Variants in MACROD2 observed in about 807,000 individuals in gnomAD.
The protein encoded by MACROD2 is ADP-ribose glycohydrolase MACROD2.
In MACROD2, 36 loss-of-function variants were observed where a neutral mutation model predicts 70.4. The ratio of observed to expected loss-of-function variants is 0.51; its 90% CI spans 0.39 to 0.68. MACROD2 has a LOEUF of 0.68. Ranked by LOEUF, MACROD2 falls within the 30% of genes least tolerant of loss-of-function variation. MACROD2 has a pLI of 0.00. For missense variants in MACROD2, 496 were observed against 538.4 expected, an observed-to-expected ratio of 0.92 and a Z score of 0.78; for synonymous variants, 172 against 178.8, an observed-to-expected ratio of 0.96 and a Z score of 0.30.
At chr20:14,562,420 A>G (rs575520923) in intron 4 of MACROD2, among the ~76,000 whole-genome samples, 38 of 152,116 alleles carry the variant, frequency 2.5e-4, no homozygotes, top group African/African-American at 8.7e-4. Flanking sequence ...TATTGTTTAT[A>G]CATCTACCTA....
chr20:15,196,298 A>G (rs778160119), intron 5 of MACROD2, among the ~76,000 whole-genome samples: 1 of 152,176 alleles, frequency 6.6e-6, no homozygotes. Context: ...CAAAAAAACT[A>G]AAAATATAAC....
intron 5 of MACROD2, among the ~76,000 whole-genome samples, chr20:14,721,843 A>T (rs149840811): frequency 1.3e-5 from 2 of 152,224 alleles, no homozygotes; most frequent in Non-Finnish European, 2.9e-5. Flanking sequence ...TACCTCCATG[A>T]CTTCCTTCAT....
At chr20:15,574,076 C>CTACT (rs1182603712) in intron 8 of MACROD2, among the ~76,000 whole-genome samples, 1 of 152,108 alleles carries the variant, frequency 6.6e-6, no homozygotes, top group African/African-American at 2.4e-5. Context: ...TTTGGCAATA[C>CTACT]TACTCTTACC....
At chr20:15,521,839 T>C (rs554863889) in intron 8 of MACROD2, among the ~76,000 whole-genome samples, 85 of 152,222 alleles carry the variant, frequency 5.6e-4, no homozygotes, top group Non-Finnish European at 1.1e-3. Context: ...GGGGATTTTC[T>C]TTGGAGCACA....
At chr20:15,141,344 T>TGTGCTTTGCCC (rs2076190824) in intron 5 of MACROD2, among the ~76,000 whole-genome samples, 1 of 151,840 alleles carries the variant, frequency 6.6e-6, no homozygotes, top group Non-Finnish European at 1.5e-5. Context: ...TATATCTGCA[T>TGTGCTTTGCCC]ATAGAATTTA....
intron 9 of MACROD2, among the ~76,000 whole-genome samples, chr20:15,867,471 T>C (rs1601020079): frequency 6.6e-6 from 1 of 152,194 alleles, no homozygotes; most frequent in African/African-American, 2.4e-5. Context: ...TATGGAATTA[T>C]CATACACTTT....
chr20:15,236,815 G>A (rs943853595), intron 6 of MACROD2, among the ~76,000 whole-genome samples: 28 of 152,190 alleles, frequency 1.8e-4, no homozygotes, highest in African/African-American at 6.8e-4. Context: ...AGTGAATTAA[G>A]GTCTTACCTT....
rs563242378 is a variant in MACROD2 at position 15,596,893 on chromosome 20, G to A, written c.645+97046G>A. Among the ~76,000 whole-genome samples the A allele has an allele frequency of 3.3e-3, 502 of 152,198 alleles. 7 individuals carry two copies. The highest frequency in any genetic ancestry group is 0.012 in the African/African-American group (487 of 41,516). ...TCTGAATATGCATATTCTCTCAATG[G>A]CAGTACATATTTTCCCGGCTTAATA... On this transcript the variant is annotated intron_variant, in intron 8 of 17. Transcript: ENST00000684519.
intron 10 of MACROD2, among the ~76,000 whole-genome samples, chr20:15,897,732 A>G (rs1417611392): frequency 6.6e-6 from 1 of 152,044 alleles, no homozygotes; most frequent in East Asian, 1.9e-4. Flanking sequence ...TCAAATATAC[A>G]TGGCCATTTT....
At chr20:15,817,217 ACTT>A (rs2063886570) in intron 8 of MACROD2, among the ~76,000 whole-genome samples, 2 of 152,134 alleles carry the variant, frequency 1.3e-5, no homozygotes, top group Admixed American at 1.3e-4. Context: ...GCAAAGATAA[ACTT>A]CTTATAATTA....
chr20:14,661,848 C>T (rs943217209), intron 4 of MACROD2, among the ~76,000 whole-genome samples: 1 of 151,988 alleles, frequency 6.6e-6, no homozygotes, highest in South Asian at 2.1e-4. Flanking sequence ...TAATAATATG[C>T]TCCCAAGTGA....
At chr20:14,538,872 T>A (rs143230058) in intron 4 of MACROD2, among the ~76,000 whole-genome samples, 168 of 152,296 alleles carry the variant, frequency 1.1e-3, no homozygotes, top group Non-Finnish European at 1.6e-3. Flanking sequence ...TTTTCGAGCC[T>A]ACATGTTTAT....
At chr20:15,679,372 G>A (rs1478749558) in intron 8 of MACROD2, among the ~76,000 whole-genome samples, 3 of 152,080 alleles carry the variant, frequency 2.0e-5, no homozygotes, top group African/African-American at 7.2e-5. Context: ...ATTGCTCATA[G>A]CAGGTGCACC....
At chr20:16,017,188 G>C (rs917286252) in intron 15 of MACROD2, among the ~76,000 whole-genome samples, 6 of 152,094 alleles carry the variant, frequency 3.9e-5, no homozygotes, top group African/African-American at 1.4e-4. Flanking sequence ...TCATGCCTTT[G>C]TTTGTCTTCA....
chr20:15,688,680 A>G (rs935683827), intron 8 of MACROD2, among the ~76,000 whole-genome samples: 8 of 152,232 alleles, frequency 5.3e-5, no homozygotes, highest in Admixed American at 5.2e-4. Flanking sequence ...ATTTTGATGC[A>G]TACAATGTGC....
intron 5 of MACROD2, among the ~76,000 whole-genome samples, chr20:15,078,899 G>A (rs1184571510): frequency 6.6e-6 from 1 of 151,950 alleles, no homozygotes; most frequent in African/African-American, 2.4e-5. Context: ...ACCTGGCTTA[G>A]CCTCCCAAAA....
chr20:15,364,775 A>G (rs930131237), intron 6 of MACROD2, among the ~76,000 whole-genome samples: 2 of 152,242 alleles, frequency 1.3e-5, no homozygotes, highest in Non-Finnish European at 2.9e-5. Context: ...TGTGCTCACC[A>G]ATGAAGGGAG....
At chr20:15,886,587 A>G (rs957334064) in intron 10 of MACROD2, among the ~76,000 whole-genome samples, 1 of 152,110 alleles carries the variant, frequency 6.6e-6, no homozygotes, top group African/African-American at 2.4e-5. Context: ...TGCTCTCATT[A>G]TCAGAATTGA....
chr20:15,722,628 TG>T (rs1180996600), intron 8 of MACROD2, among the ~76,000 whole-genome samples: 1 of 152,222 alleles, frequency 6.6e-6, no homozygotes, highest in Non-Finnish European at 1.5e-5. Context: ...ACTAGTACTT[TG>T]CCAGGTATAT....
Sources: allele counts gnomAD v4.1 joint callset (sites outside exome capture counted in the v4.1 genomes callset), GRCh38; gene constraint gnomAD v4.1.1; transcripts MANE v1.5; gene names NCBI Gene and HGNC (gene_info 2026-07-23, HGNC 2026-07-21).